ELAPOR1: variants seen among roughly 807,000 people sequenced by gnomAD.
The protein encoded by ELAPOR1 is endosome-lysosome associated apoptosis and autophagy regulator 1, also known as endosome/lysosome-associated apoptosis and autophagy regulator 1.
Under a neutral mutation model 119.7 loss-of-function variants are expected in ELAPOR1, and 77 were observed. The ratio of observed to expected loss-of-function variants is 0.64; its 90% CI spans 0.54 to 0.78. ELAPOR1 has a LOEUF of 0.78. ELAPOR1 is among the 30% of genes least tolerant of loss of function. The pLI, the probability that ELAPOR1 is intolerant of heterozygous loss-of-function variation, is 0.00. For missense variants in ELAPOR1, 1,115 were observed against 1,270.4 expected (o/e 0.88, Z 1.86); for synonymous variants, 481 against 487.2 (o/e 0.99, Z 0.17).
intron 1 of ELAPOR1, among the ~76,000 whole-genome samples, chr1:109,147,208 G>A (rs934605489): frequency 1.1e-4 from 16 of 152,058 alleles, no homozygotes; most frequent in East Asian, 5.8e-4. Context: ...GAGCCACCAC[G>A]CCTGGCCTAT....
chr1:109,131,975 A>G (rs1464356723), intron 1 of ELAPOR1, among the ~76,000 whole-genome samples: 3 of 152,190 alleles, frequency 2.0e-5, no homozygotes, highest in African/African-American at 4.8e-5. Context: ...AGAATGTGGT[A>G]AGGAGAAAGA....
chr1:109,164,566 C>T lies in ELAPOR1; in HGVS notation c.342C>T (p.Gly114=). 1 of 1,614,230 alleles carries T rather than the reference C, an allele frequency of 6.2e-7. No individual in the cohort carries two copies. The highest frequency in any genetic ancestry group is 1.1e-5 in the South Asian group (1 of 91,088). The change falls in exon 3 of 22, where the codon GGC becomes GGT. Residue 114 remains glycine (G), a synonymous_variant. Transcript: ENST00000369939. ...AGTCATGTAAGCCATGCGCTGAGGG[C>T]CGCTACTCCCTCGGCACAGGCATTC... ...KDQSCKPCAE[G]RYSLGTGIRF...
At position 109,194,532 on chromosome 1, in the gene ELAPOR1, A is replaced by T; in HGVS notation, c.2059A>T (p.Ser687Cys). ...ANTVTLAGGP[S>C]FTSKGLKYFH... is the part of the protein sequence containing the mutation. Reference sequence around the variant, plus strand: ...CACTGTCACTCTTGCTGGAGGGCCAAGCTTCACTTCCAAAGGGCTGAAATA... The same window carrying T: ...CACTGTCACTCTTGCTGGAGGGCCATGCTTCACTTCCAAAGGGCTGAAATA... Residue 687 changes from serine (S) to cysteine (C), a missense_variant, in exon 15 of 22, where the codon AGC becomes TGC. Transcript: ENST00000369939. 1 of 1,614,016 alleles carries T rather than the reference A, an allele frequency of 6.2e-7. No individual in the cohort carries two copies. Among genetic ancestry groups the T allele is most frequent in the Non-Finnish European group, 8.5e-7 (1 of 1,179,828 alleles).
intron 7 of ELAPOR1, among the ~76,000 whole-genome samples, chr1:109,178,411 A>G (rs1313295778): frequency 6.6e-6 from 1 of 152,174 alleles, no homozygotes; most frequent in African/African-American, 2.4e-5. Context: ...CTCTTCCAGA[A>G]TACAGGGTCA....
At chr1:109,131,546 G>A (rs1014733398) in intron 1 of ELAPOR1, among the ~76,000 whole-genome samples, 5 of 152,148 alleles carry the variant, frequency 3.3e-5, no homozygotes, top group African/African-American at 9.6e-5. Context: ...TTGAGCACTC[G>A]CAGTGTGCCA....
At chr1:109,146,766 G>C (rs1650203546) in intron 1 of ELAPOR1, among the ~76,000 whole-genome samples, 1 of 152,098 alleles carries the variant, frequency 6.6e-6, no homozygotes, top group Non-Finnish European at 1.5e-5. Flanking sequence ...AGAGATGGGG[G>C]TCTCACTCTG....
intron 10 of ELAPOR1, 120 bp downstream of exon 10, chr1:109,189,314 C>A: frequency 1.6e-6 from 2 of 1,280,310 alleles, no homozygotes; most frequent in African/African-American, 1.5e-5. Context: ...GTCATGCATT[C>A]CCTTGAAAGT....
chr1:109,161,270 C>T (rs528530649), intron 1 of ELAPOR1, among the ~76,000 whole-genome samples: 11 of 151,872 alleles, frequency 7.2e-5, no homozygotes, highest in South Asian at 2.1e-4. Flanking sequence ...ATTAGCCTGG[C>T]GTGGTGGCAC....
chr1:109,177,882 A>AT (rs1312314700), intron 7 of ELAPOR1, among the ~76,000 whole-genome samples: 1 of 152,064 alleles, frequency 6.6e-6, no homozygotes, highest in Non-Finnish European at 1.5e-5. Flanking sequence ...GTGTAAGCTG[A>AT]TTTTTATCCA....
At chr1:109,131,277 A>T (rs2100980241) in intron 1 of ELAPOR1, among the ~76,000 whole-genome samples, 1 of 152,320 alleles carries the variant, frequency 6.6e-6, no homozygotes, top group East Asian at 1.9e-4. Context: ...AGCAAGGAAG[A>T]TGCCACCATG....
intron 1 of ELAPOR1, among the ~76,000 whole-genome samples, chr1:109,154,659 C>G (rs1650758859): frequency 6.6e-6 from 1 of 152,222 alleles, no homozygotes; most frequent in East Asian, 1.9e-4. Flanking sequence ...GGAGAAGTGC[C>G]CTGGCAGGAA....
At chr1:109,166,948 T>C (rs1384325125) in intron 3 of ELAPOR1, among the ~76,000 whole-genome samples, 1 of 152,202 alleles carries the variant, frequency 6.6e-6, no homozygotes, top group Non-Finnish European at 1.5e-5. Context: ...TACTTAAATC[T>C]TGTCTAAGCC....
At chr1:109,126,671 A>G (rs1009998003) in intron 1 of ELAPOR1, among the ~76,000 whole-genome samples, 4 of 152,006 alleles carry the variant, frequency 2.6e-5, no homozygotes, top group African/African-American at 9.7e-5. Flanking sequence ...GAGTTTTTTC[A>G]TGTCACCCAG....
chr1:109,164,545 A>G lies in ELAPOR1; in HGVS notation c.321A>G (p.Ser107=), dbSNP rs1651461871. 1 of 1,614,108 alleles carries G rather than the reference A, an allele frequency of 6.2e-7. No homozygotes were observed. The highest frequency in any genetic ancestry group is 1.6e-4 in the Middle Eastern group (1 of 6,062). Residue 107 remains serine, a synonymous_variant, in exon 3 of 22, where the codon TCA becomes TCG. Coordinates refer to ENST00000369939, the MANE Select transcript of ELAPOR1 (RefSeq NM_020775.5). ...AGTTTCTGGATATGAAGGACCAGTC[A>G]TGTAAGCCATGCGCTGAGGGCCGCT... ...AGEFLDMKDQ[S]CKPCAEGRYS...
intron 1 of ELAPOR1, among the ~76,000 whole-genome samples, chr1:109,144,053 ATTTATATATTT>A (rs1650007077): frequency 2.2e-5 from 2 of 89,788 alleles, no homozygotes; most frequent in African/African-American, 1.1e-4. Context: ...ATATATATAT[ATTTATATATTT>A]TTTTTTTTTT....
chr1:109,184,853 T>C (rs649531), intron 7 of ELAPOR1, among the ~76,000 whole-genome samples, 192 bp from the exon 8 acceptor site: 135,010 of 152,260 alleles, frequency 0.89, 61,985 homozygotes, highest in East Asian at 1. Context: ...AAAGGGAAGC[T>C]TGAGCAGGGT....
chr1:109,141,116 T>C (rs1649800419), intron 1 of ELAPOR1, among the ~76,000 whole-genome samples: 1 of 152,184 alleles, frequency 6.6e-6, no homozygotes, highest in Non-Finnish European at 1.5e-5. Context: ...CCTCCCAAAG[T>C]GCTGGGATTA....
chr1:109,187,088 C>T (rs1373394770), intron 8 of ELAPOR1: 1 of 985,500 alleles, frequency 1.0e-6, no homozygotes, highest in East Asian at 1.1e-4. Context: ...GTCTTCTGAA[C>T]AGTATTTTAA....
chr1:109,138,874 G>A (rs1312141997), intron 1 of ELAPOR1, among the ~76,000 whole-genome samples: 8 of 146,040 alleles, frequency 5.5e-5, no homozygotes, highest in Non-Finnish European at 1.1e-4. Context: ...TAAAAGAGAC[G>A]TTAAAATTTT....
Sources: allele counts gnomAD v4.1 joint callset (sites outside exome capture counted in the v4.1 genomes callset), GRCh38; gene constraint gnomAD v4.1.1; transcripts MANE v1.5; gene names NCBI Gene and HGNC (gene_info 2026-07-23, HGNC 2026-07-21).